Variants in TMEM117 observed in about 807,000 individuals in gnomAD.
The protein encoded by TMEM117 is transmembrane protein 117.
TMEM117 carries 27 observed loss-of-function variants against 52.4 expected under a neutral mutation model. The ratio of observed to expected loss-of-function variants is 0.51; its 90% CI spans 0.38 to 0.71. The LOEUF (loss-of-function observed/expected upper bound fraction) is 0.71, where lower values mean the gene tolerates loss of function less well. Among genes scored for constraint, TMEM117 ranks in the 30% least tolerant of loss-of-function variants. The probability of loss-of-function intolerance (pLI) is 0.00; values close to 1 mark genes in which losing one functional copy is unlikely to be tolerated. For missense variants in TMEM117, 556 were observed against 630.5 expected (o/e 0.88, Z 1.26); for synonymous variants, 215 against 206.3 (o/e 1.04, Z -0.36).
At chr12:43,854,381 A>G (rs1943363364) in intron 2 of TMEM117, among the ~76,000 whole-genome samples, 1 of 152,042 alleles carries the variant, frequency 6.6e-6, no homozygotes, top group South Asian at 2.1e-4. Context: ...TGAGTAGGCA[A>G]GAGTGAGAGT....
At chr12:43,940,687 G>A (rs1011231118) in intron 2 of TMEM117, among the ~76,000 whole-genome samples, 36 of 151,938 alleles carry the variant, frequency 2.4e-4, no homozygotes, top group African/African-American at 8.2e-4. Context: ...GATTACAGGC[G>A]TGCACCACCA....
chr12:44,042,526 G>T (rs568297852), intron 3 of TMEM117, among the ~76,000 whole-genome samples: 2 of 152,042 alleles, frequency 1.3e-5, no homozygotes, highest in South Asian at 2.1e-4. Context: ...CCTTAATCTG[G>T]TGGGCACCAT....
At chr12:44,264,751 T>C (rs1473252598) in intron 5 of TMEM117, among the ~76,000 whole-genome samples, 1 of 152,134 alleles carries the variant, frequency 6.6e-6, no homozygotes, top group Non-Finnish European at 1.5e-5. Context: ...GTGGTTTGAA[T>C]ATATGAAAAT....
chr12:44,323,415 TTTTTTATTATTA>T lies in TMEM117; in HGVS notation c.768+23679_768+23690del, dbSNP rs370040291. Among the ~76,000 whole-genome samples, 353 of 152,284 alleles carry T rather than the reference TTTTTTATTATTA, an allele frequency of 2.3e-3. 1 individual carries two copies. Among genetic ancestry groups the T allele is most frequent in the African/African-American group, 8.0e-3 (331 of 41,576 alleles). ...ATAGTCAAACATACCCTATTGCTCT[TTTTTTATTATTA>T]TTAGTTAGATGGATCTTATTTCCTC... is the stretch of plus-strand genomic sequence containing the variant. On this transcript the variant is annotated intron_variant, in intron 6 of 7. Transcript: ENST00000266534.
At chr12:43,844,312 C>T (rs1261738273) in intron 1 of TMEM117, among the ~76,000 whole-genome samples, 1 of 152,206 alleles carries the variant, frequency 6.6e-6, no homozygotes, top group Non-Finnish European at 1.5e-5. Flanking sequence ...CCTGGGAGGG[C>T]CTCTACATGT....
At chr12:43,849,739 A>G (rs1293281900) in intron 2 of TMEM117, among the ~76,000 whole-genome samples, 1 of 151,982 alleles carries the variant, frequency 6.6e-6, no homozygotes, top group Non-Finnish European at 1.5e-5. Flanking sequence ...AATTATATGG[A>G]ATATTAGAGA....
chr12:44,223,276 T>C (rs1325895619), intron 5 of TMEM117, among the ~76,000 whole-genome samples: 1 of 151,950 alleles, frequency 6.6e-6, no homozygotes, highest in Admixed American at 6.6e-5. Context: ...TTTTTTAACC[T>C]TTCTTTTCAG....
At chr12:43,839,092 G>GTTTTTTTTTTTTTTTTTTTTT (rs1943077497) in intron 1 of TMEM117, among the ~76,000 whole-genome samples, 1 of 152,134 alleles carries the variant, frequency 6.6e-6, no homozygotes, top group African/African-American at 2.4e-5. Context: ...AATTTTATTA[G>GTTTTTTTTTTTTTTTTTTTTT]TTATTTTTGA....
At chr12:43,936,710 G>A (rs1311400593) in intron 2 of TMEM117, among the ~76,000 whole-genome samples, 1 of 152,186 alleles carries the variant, frequency 6.6e-6, no homozygotes, top group Non-Finnish European at 1.5e-5. Context: ...GAGAACAACT[G>A]TTAGGTCAGA....
intron 4 of TMEM117, among the ~76,000 whole-genome samples, chr12:44,160,183 T>A (rs918074941): frequency 2.0e-5 from 3 of 152,174 alleles, no homozygotes; most frequent in African/African-American, 7.2e-5. Context: ...TAAGCTGCGT[T>A]AGCCCTTTTA....
the TMEM117 span, chr12:43,806,078 G>A: frequency 3.3e-6 from 5 of 1,517,710 alleles, no homozygotes; most frequent in South Asian, 2.4e-5. Context: ...GGAGCGCGGA[G>A]AGGCGCCGAG....
At chr12:44,276,180 T>C (rs138522213) in intron 5 of TMEM117, among the ~76,000 whole-genome samples, 5 of 152,294 alleles carry the variant, frequency 3.3e-5, no homozygotes, top group African/African-American at 9.6e-5. Flanking sequence ...AAAAGATACC[T>C]GCACTGCCAT....
chr12:44,124,925 G>C (rs371427857), intron 3 of TMEM117, among the ~76,000 whole-genome samples: 2 of 152,144 alleles, frequency 1.3e-5, no homozygotes, highest in African/African-American at 2.4e-5. Flanking sequence ...CTGGCCTCAT[G>C]ATGAGTTAGG....
rs73276234 is a variant in TMEM117, at chr12:44,306,411, G to A, written c.768+6672G>A. ...CTATATACATAGATATATATGTGCAGGTGTGTGTGTAATATCTTAGATTTA... is the reference window on the plus strand; with the variant it reads ...CTATATACATAGATATATATGTGCAAGTGTGTGTGTAATATCTTAGATTTA... On this transcript the variant is annotated intron_variant, in intron 6 of 7. Transcript: ENST00000266534. Among the ~76,000 whole-genome samples the A allele has an allele frequency of 4.5e-3, 684 of 152,126 alleles. 7 individuals carry two copies. The highest frequency in any genetic ancestry group is 0.016 in the African/African-American group (657 of 41,500).
intron 5 of TMEM117, among the ~76,000 whole-genome samples, chr12:44,225,903 A>G (rs2138437812): frequency 6.6e-6 from 1 of 152,328 alleles, no homozygotes; most frequent in African/African-American, 2.4e-5. Context: ...GGTGCCTTAA[A>G]TATATACTCA....
intron 5 of TMEM117, among the ~76,000 whole-genome samples, chr12:44,215,417 G>A (rs536639668): frequency 7.2e-4 from 109 of 152,044 alleles, no homozygotes; most frequent in Non-Finnish European, 1.4e-3. Flanking sequence ...TTTGAAAGGC[G>A]GAAAGGGAGG....
At chr12:43,907,633 A>G (rs891472959) in intron 2 of TMEM117, among the ~76,000 whole-genome samples, 1 of 149,912 alleles carries the variant, frequency 6.7e-6, no homozygotes, top group African/African-American at 2.4e-5. Context: ...AGAATAACCA[A>G]TACAGAGAAG....
chr12:44,259,503 A>G (rs1376055244), intron 5 of TMEM117, among the ~76,000 whole-genome samples: 2 of 152,082 alleles, frequency 1.3e-5, no homozygotes, highest in Admixed American at 6.6e-5. Context: ...GAAGATACGG[A>G]CTTCTTTCAA....
intron 2 of TMEM117, among the ~76,000 whole-genome samples, chr12:43,930,077 G>A (rs1370795189): frequency 6.6e-6 from 1 of 151,962 alleles, no homozygotes. Flanking sequence ...GGCTTTCTTT[G>A]GTTTGATCTG....
Sources: allele counts gnomAD v4.1 joint callset (sites outside exome capture counted in the v4.1 genomes callset), GRCh38; gene constraint gnomAD v4.1.1; transcripts MANE v1.5; gene names NCBI Gene and HGNC (gene_info 2026-07-23, HGNC 2026-07-21).